Variants in FBXO22 observed in about 807,000 individuals in gnomAD.
FBXO22 encodes F-box only protein 22.
FBXO22 carries 13 observed loss-of-function variants against 37.2 expected under a neutral mutation model. The observed-to-expected ratio is 0.35, with a 90% CI of 0.23 to 0.56. The LOEUF (loss-of-function observed/expected upper bound fraction) is 0.56, where lower values mean the gene tolerates loss of function less well. Among genes scored for constraint, FBXO22 ranks in the 20% least tolerant of loss-of-function variants. The pLI is 0.87. For synonymous variants in FBXO22, 189 were observed against 189.1 expected (o/e 1.00, Z 0.00); for missense variants, 446 against 509.9 (o/e 0.87, Z 1.21).
chr15:75,925,222 T>C (rs1050292993), intron 5 of FBXO22, among the ~76,000 whole-genome samples: 6 of 152,182 alleles, frequency 3.9e-5, no homozygotes, highest in African/African-American at 1.4e-4. Flanking sequence ...TAAATGTGAA[T>C]TTTGGAAGTA....
intron 3 of FBXO22, 83 bp downstream of exon 3, chr15:75,913,373 GA>G: frequency 1.1e-6 from 1 of 913,648 alleles, no homozygotes. Flanking sequence ...CTTGTCCTGA[GA>G]GTTAACTGAC....
At chr15:75,931,823 A>G (rs898495419) in intron 6 of FBXO22, among the ~76,000 whole-genome samples, 12 of 152,194 alleles carry the variant, frequency 7.9e-5, no homozygotes, top group African/African-American at 2.4e-4. Flanking sequence ...ATTAAGCTGA[A>G]CTCTAGACTC....
intron 5 of FBXO22, among the ~76,000 whole-genome samples, chr15:75,923,270 A>G (rs1026133709): frequency 2.0e-5 from 3 of 152,248 alleles, no homozygotes; most frequent in African/African-American, 4.8e-5. Context: ...AGTGCCAAGT[A>G]TAGGAATGAG....
In FBXO22 at chr15:75,936,790, C is replaced by T. The variant is rs1567060185; in HGVS notation, c.*3688C>T. On this transcript the variant is annotated 3_prime_UTR_variant, in exon 7 of 7. Coordinates refer to ENST00000308275, the MANE Select transcript of FBXO22 (RefSeq NM_147188.3). ...GGTTTCTCTGTGTTGGTCAGGCTGG[C>T]CTCAGACTCCAACCTCAGGTGATCT... 6.6e-6 allele frequency: 1 copy of T among 152,038 alleles called. No homozygotes were observed. Among genetic ancestry groups the T allele is most frequent in the African/African-American group, 2.4e-5 (1 of 41,372 alleles). 9.4% of individuals were successfully genotyped at this position (152,038 alleles called of 1,614,324 possible).
intron 4 of FBXO22, among the ~76,000 whole-genome samples, chr15:75,914,992 A>C (rs1900149464): frequency 1.3e-5 from 2 of 152,262 alleles, no homozygotes; most frequent in South Asian, 2.1e-4. Flanking sequence ...TTTGAGATGG[A>C]GTTTCACTCT....
intron 5 of FBXO22, among the ~76,000 whole-genome samples, chr15:75,917,820 A>G (rs1163118864): frequency 6.6e-6 from 1 of 152,200 alleles, no homozygotes; most frequent in Non-Finnish European, 1.5e-5. Flanking sequence ...TTTGTGAACT[A>G]ATTAGAAAGA....
rs1400300767 is a variant in FBXO22 at position 75,939,849 on chromosome 15, C to G, written c.*6747C>G. The G allele has an allele frequency of 1.3e-5, 2 of 152,066 alleles. No individual in the cohort carries two copies. Among genetic ancestry groups the G allele is most frequent in the African/African-American group, 4.8e-5 (2 of 41,430 alleles). 9.4% of individuals were successfully genotyped at this position (152,066 alleles called of 1,614,324 possible). ...CAGCAGCCTCTTGTGATTAAAAACACTCAACAAATGAGGGATAAGAGGAAA... is the reference window on the plus strand; with the variant it reads ...CAGCAGCCTCTTGTGATTAAAAACAGTCAACAAATGAGGGATAAGAGGAAA... On this transcript the variant is annotated 3_prime_UTR_variant, in exon 7 of 7. Coordinates refer to ENST00000308275, the MANE Select transcript of FBXO22 (RefSeq NM_147188.3).
At chr15:75,914,399 A>C (rs1900138325) in intron 4 of FBXO22, among the ~76,000 whole-genome samples, 194 bp downstream of exon 4, 1 of 152,204 alleles carries the variant, frequency 6.6e-6, no homozygotes. Flanking sequence ...TCTCATCTCA[A>C]GGTTACCTGT....
At chr15:75,927,197 A>G (rs964675828) in intron 5 of FBXO22, among the ~76,000 whole-genome samples, 3 of 152,174 alleles carry the variant, frequency 2.0e-5, no homozygotes, top group African/African-American at 4.8e-5. Flanking sequence ...TGGAGAGAGG[A>G]TGGTGCTTCG....
intron 2 of FBXO22, among the ~76,000 whole-genome samples, chr15:75,912,705 C>CA (rs1163751898): frequency 1.3e-5 from 2 of 152,026 alleles, no homozygotes; most frequent in Non-Finnish European, 2.9e-5. Context: ...TTAATCTTTT[C>CA]AAAAAACCAG....
intron 5 of FBXO22, 64 bp from the exon 6 acceptor site, chr15:75,929,820 A>C (rs979868235): frequency 4.4e-6 from 7 of 1,592,078 alleles, no homozygotes; most frequent in Admixed American, 1.7e-5. Flanking sequence ...TTCATTTTGC[A>C]GCATGTATAA....
At chr15:75,919,781 C>G (rs1040068443) in intron 5 of FBXO22, among the ~76,000 whole-genome samples, 1 of 152,166 alleles carries the variant, frequency 6.6e-6, no homozygotes, top group African/African-American at 2.4e-5. Context: ...GTGTCCTTAG[C>G]TCATTCAGAA....
At position 75,933,338 on chromosome 15, in the gene FBXO22, T is replaced by C. The variant is rs2030133995; in HGVS notation, c.*236T>C. On this transcript the variant is annotated 3_prime_UTR_variant, in exon 7 of 7. Coordinates refer to ENST00000308275, the MANE Select transcript of FBXO22 (RefSeq NM_147188.3). ...TTGCATCAGGCAGAAGCAAACTGAT[T>C]ATAGTTGTGTTGCACCAGATCATGT... is the stretch of plus-strand genomic sequence containing the variant. 1 of 456,820 alleles carries C rather than the reference T, an allele frequency of 2.2e-6. No homozygotes were observed. Among genetic ancestry groups the C allele is most frequent in the Admixed American group, 4.0e-5 (1 of 24,990 alleles). The allele number at this position is 456,820 out of a possible 1,614,324, so 28.3% of individuals were successfully genotyped here. A position where few individuals can be genotyped will look rare whatever the true frequency, so the allele number is the denominator to read the frequency against.
At chr15:75,924,755 G>A (rs1900403372) in intron 5 of FBXO22, among the ~76,000 whole-genome samples, 1 of 152,182 alleles carries the variant, frequency 6.6e-6, no homozygotes, top group African/African-American at 2.4e-5. Flanking sequence ...ACCTAGCACT[G>A]CTGAGCGTTG....
rs1029779115 is a variant in FBXO22, at chr15:75,937,850, C to T, written c.*4748C>T. On this transcript the variant is annotated 3_prime_UTR_variant, in exon 7 of 7. Transcript: ENST00000308275. ...TAACTGGTAGGGTGGGCACTGCTTA[C>T]AAAAGCTGCAAAGAACCACAGGTGC... 3.9e-5 allele frequency: 6 copies of T among 152,174 alleles called. No individual in the cohort carries two copies. The highest frequency in any genetic ancestry group is 1.4e-4 in the African/African-American group (6 of 41,432). 9.4% of individuals were successfully genotyped at this position (152,174 alleles called of 1,614,324 possible). A position where few individuals can be genotyped will look rare whatever the true frequency, so the allele number is the denominator to read the frequency against.
chr15:75,929,247 G>C (rs335677), intron 5 of FBXO22, among the ~76,000 whole-genome samples: 146,292 of 151,864 alleles, frequency 0.96, 70,681 homozygotes, highest in East Asian at 1. Context: ...TAGAGCCCAC[G>C]TGGATAGACC....
Position 75,904,240 on chromosome 15 carries a change from C to T in FBXO22, c.140+137C>T, listed in dbSNP as rs892681316. The stretch of plus-strand genomic sequence containing the variant: ...CTCGCTCGCCCTACCTGAGGTGACC[C>T]CCTACCCGCGAGGTATCTCCCAGCC... On this transcript the variant is annotated intron_variant, in intron 1 of 6. Coordinates refer to ENST00000308275, the MANE Select transcript of FBXO22 (RefSeq NM_147188.3). 3.9e-6 allele frequency: 5 copies of T among 1,277,810 alleles called. No homozygotes were observed. In the African/African-American group the frequency reaches 6.0e-5, roughly 15 times the overall value. The allele number at this position is 1,277,810 out of a possible 1,614,324, so 79.2% of individuals were successfully genotyped here. A position where few individuals can be genotyped will look rare whatever the true frequency, so the allele number is the denominator to read the frequency against.
At chr15:75,917,426 A>C (rs932057897) in intron 5 of FBXO22, 32 bp downstream of exon 5, 2 of 1,451,324 alleles carry the variant, frequency 1.4e-6, no homozygotes, top group African/African-American at 1.4e-5. Flanking sequence ...TTAACTGCTC[A>C]TTTTATTGAT....
intron 2 of FBXO22, 143 bp downstream of exon 2, chr15:75,904,772 A>C: frequency 1.3e-6 from 1 of 773,896 alleles, no homozygotes; most frequent in Non-Finnish European, 1.9e-6. Context: ...AGTTTTAGTG[A>C]CTACACGGTA....
Sources: gnomAD v4.1 joint callset for allele counts (sites outside exome capture counted in the v4.1 genomes callset) on GRCh38, gnomAD v4.1.1 for gene constraint, MANE v1.5 for transcripts, NCBI Gene and HGNC (gene_info 2026-07-23, HGNC 2026-07-21) for gene names.